Variants in CEACAM18 observed in about 807,000 individuals in gnomAD.
CEACAM18 encodes the protein cell adhesion molecule CEACAM18.
Under a neutral mutation model 34.3 loss-of-function variants are expected in CEACAM18, and 33 were observed. The observed-to-expected ratio is 0.96, with a 90% CI of 0.73 to 1.29. The LOEUF (loss-of-function observed/expected upper bound fraction) is 1.29, where lower values mean the gene tolerates loss of function less well. Ranked by LOEUF, CEACAM18 falls within the 50% of genes most tolerant of loss-of-function variation. The pLI is 0.00. For synonymous variants in CEACAM18, 169 were observed against 180.9 expected, an observed-to-expected ratio of 0.93 and a Z score of 0.53; for missense variants, 474 against 485.0, an observed-to-expected ratio of 0.98 and a Z score of 0.21.
chr19:51,478,726 C>T (rs537717711), intron 1 of CEACAM18, 32 bp downstream of exon 1: 17 of 1,359,024 alleles, frequency 1.3e-5, no homozygotes, highest in Middle Eastern at 4.0e-4. Flanking sequence ...ATGAGCTTCC[C>T]AGGACTGAGG....
At chr19:51,487,029 G>A (rs112672294) in intron 5 of CEACAM18, among the ~76,000 whole-genome samples, 2,559 of 151,936 alleles carry the variant, frequency 0.017, 45 homozygotes, top group Non-Finnish European at 0.025. Context: ...GCCTTATTGA[G>A]CTAATTTTCA....
At chr19:51,484,337 AGAGTCTCGC>A (rs1330863176) in intron 4 of CEACAM18, among the ~76,000 whole-genome samples, 1 of 149,432 alleles carries the variant, frequency 6.7e-6, no homozygotes, top group Admixed American at 6.7e-5. Context: ...TTTTTTTAAC[AGAGTCTCGC>A]TCTGTTGCCC....
At chr19:51,482,741 A>G (rs1194658733) in intron 3 of CEACAM18, among the ~76,000 whole-genome samples, 1 of 152,242 alleles carries the variant, frequency 6.6e-6, no homozygotes, top group Non-Finnish European at 1.5e-5. Context: ...AGAGCTTAGA[A>G]CAGTGCCTGG....
intron 1 of CEACAM18, 99 bp downstream of exon 1, chr19:51,478,793 G>C: frequency 1.2e-6 from 1 of 847,622 alleles, no homozygotes; most frequent in Admixed American, 4.1e-5. Context: ...CCCATCCACG[G>C]GCACATCAAG....
chr19:51,484,179 G>C (rs191969191), intron 4 of CEACAM18, among the ~76,000 whole-genome samples: 9 of 152,286 alleles, frequency 5.9e-5, no homozygotes, highest in African/African-American at 2.2e-4. Flanking sequence ...GTGGTCTCCA[G>C]ACTTTACTTC....
At chr19:51,484,182 T>G (rs1989963524) in intron 4 of CEACAM18, among the ~76,000 whole-genome samples, 1 of 152,204 alleles carries the variant, frequency 6.6e-6, no homozygotes, top group African/African-American at 2.4e-5. Flanking sequence ...GTCTCCAGAC[T>G]TTACTTCAGC....
chr19:51,485,151 G>A, intron 5 of CEACAM18, 29 bp downstream of exon 5: 1 of 1,474,326 alleles, frequency 6.8e-7, no homozygotes, highest in Non-Finnish European at 9.0e-7. Context: ...GACAAGGGTG[G>A]GATGTTGGCT....
intron 5 of CEACAM18, among the ~76,000 whole-genome samples, chr19:51,489,162 C>A (rs1224855243): frequency 1.5e-4 from 22 of 146,578 alleles, no homozygotes; most frequent in African/African-American, 2.2e-4. Flanking sequence ...ATGTCAACCT[C>A]ATCATCCAAA....
intron 3 of CEACAM18, among the ~76,000 whole-genome samples, chr19:51,482,017 T>G (rs1989925402): frequency 6.6e-6 from 1 of 152,240 alleles, no homozygotes; most frequent in Non-Finnish European, 1.5e-5. Flanking sequence ...TTCAAGCCCC[T>G]TGAGCCTTGA....
At chr19:51,481,498 A>C in exon 3 of CEACAM18, 1 of 1,614,056 alleles carries the variant, frequency 6.2e-7, no homozygotes, top group Non-Finnish European at 8.5e-7. Context: ...ATCACGTGGT[A>C]TGTGAATGAT....
chr19:51,480,318 C>T lies in CEACAM18; in HGVS notation c.53-15C>T, dbSNP rs1377801223. The stretch of plus-strand genomic sequence containing the variant: ...TTGTGAATTTCTCTCTGTCTTTTTT[C>T]CTTGTCTTCTTCAGCCAGTCTGCTG... On this transcript the variant is annotated splice_polypyrimidine_tract_variant and intron_variant, in intron 1 of 5. Coordinates refer to ENST00000396477, the Ensembl canonical transcript of CEACAM18. The T allele has an allele frequency of 5.7e-6, 9 of 1,565,758 alleles. No individual in the cohort carries two copies. The highest frequency in any genetic ancestry group is 1.7e-4 in the Middle Eastern group (1 of 5,912).
At chr19:51,488,333 A>G (rs1990037550) in intron 5 of CEACAM18, among the ~76,000 whole-genome samples, 1 of 152,198 alleles carries the variant, frequency 6.6e-6, no homozygotes, top group Non-Finnish European at 1.5e-5. Context: ...CCCTTGTTCC[A>G]AGGTATTTAC....
chr19:51,478,824 G>A (rs964635691), intron 1 of CEACAM18, 130 bp downstream of exon 1: 10 of 614,160 alleles, frequency 1.6e-5, no homozygotes, highest in African/African-American at 5.8e-5. Context: ...AGCAGGGGTC[G>A]GGGAGAGGAG....
At chr19:51,480,496 G>A in exon 2 of CEACAM18, 2 of 1,613,908 alleles carry the variant, frequency 1.2e-6, no homozygotes, top group Non-Finnish European at 1.7e-6. Context: ...CAGGAAACAT[G>A]ATTATCAGCC....
chr19:51,480,708 AC>A (rs1405207814), intron 2 of CEACAM18, 28 bp downstream of exon 2: 2 of 1,576,118 alleles, frequency 1.3e-6, no homozygotes, highest in African/African-American at 1.4e-5. Flanking sequence ...GTGTTTCCCA[AC>A]CCCCAAGGAG....
chr19:51,478,871 A>C (rs1341085662), intron 1 of CEACAM18, among the ~76,000 whole-genome samples, 177 bp downstream of exon 1: 1 of 151,932 alleles, frequency 6.6e-6, no homozygotes, highest in Non-Finnish European at 1.5e-5. Flanking sequence ...TCATGAGCTC[A>C]CACACGTGGG....
chr19:51,487,479 T>C (rs758745402), intron 5 of CEACAM18, among the ~76,000 whole-genome samples: 95 of 151,338 alleles, frequency 6.3e-4, no homozygotes, highest in Non-Finnish European at 1.1e-3. Flanking sequence ...AAAAAATAAA[T>C]AAATAGGCCA....
At chr19:51,480,508 C>A (rs913490081) in exon 2 of CEACAM18, 20 of 1,613,978 alleles carry the variant, frequency 1.2e-5, no homozygotes, top group Non-Finnish European at 1.6e-5. Flanking sequence ...TTATCAGCCA[C>A]AAACCGCCCA....
chr19:51,480,606 A>G, exon 2 of CEACAM18: 1 of 1,614,006 alleles, frequency 6.2e-7, no homozygotes, highest in Non-Finnish European at 8.5e-7. Flanking sequence ...GCATTAAATG[A>G]CACGGGAAAC....
Sources: gnomAD v4.1 joint callset for allele counts (sites outside exome capture counted in the v4.1 genomes callset) on GRCh38, gnomAD v4.1.1 for gene constraint, MANE v1.5 for transcripts, NCBI Gene and HGNC (gene_info 2026-07-23, HGNC 2026-07-21) for gene names.